Variants in ZFAT observed in about 807,000 individuals in gnomAD.
ZFAT encodes zinc finger protein ZFAT.
In ZFAT, 64 loss-of-function variants were observed where a neutral mutation model predicts 117.7. The observed-to-expected ratio is 0.54, with a 90% CI of 0.44 to 0.67. ZFAT has a LOEUF of 0.67. ZFAT is among the 30% of genes least tolerant of loss of function. The pLI, the probability that ZFAT is intolerant of heterozygous loss-of-function variation, is 0.00. For synonymous variants in ZFAT, 679 were observed against 615.0 expected (o/e 1.10, Z -1.54); for missense variants, 1,433 against 1,584.5 (o/e 0.90, Z 1.62).
intron 10 of ZFAT, among the ~76,000 whole-genome samples, chr8:134,572,336 C>T (rs1824977315): frequency 6.6e-6 from 1 of 152,184 alleles, no homozygotes; most frequent in Non-Finnish European, 1.5e-5. Context: ...ACATTGTTTT[C>T]GTGCTGTCTG....
chr8:134,501,360 G>A (rs1373712558), intron 15 of ZFAT, among the ~76,000 whole-genome samples: 2 of 152,156 alleles, frequency 1.3e-5, no homozygotes, highest in Non-Finnish European at 2.9e-5. Context: ...TACAGAGGCT[G>A]CAAGGATGGA....
intron 10 of ZFAT, among the ~76,000 whole-genome samples, chr8:134,579,830 A>C (rs1162994775): frequency 6.6e-6 from 1 of 152,058 alleles, no homozygotes; most frequent in Non-Finnish European, 1.5e-5. Flanking sequence ...ACATGCCTGT[A>C]ATCCCAGCTA....
the ZFAT span, among the ~76,000 whole-genome samples, chr8:134,740,626 C>CA: frequency 6.6e-6 from 1 of 152,022 alleles, no homozygotes; most frequent in African/African-American, 2.4e-5. Context: ...CAGGATAGGT[C>CA]AACCTAGAGA....
chr8:134,529,201 G>GA (rs1409242645), intron 12 of ZFAT, among the ~76,000 whole-genome samples: 1 of 152,142 alleles, frequency 6.6e-6, no homozygotes, highest in Non-Finnish European at 1.5e-5. Context: ...AGACTTGAGG[G>GA]AGGGCTTGGA....
At chr8:134,634,405 G>A (rs1218142235) in intron 3 of ZFAT, among the ~76,000 whole-genome samples, 1 of 152,116 alleles carries the variant, frequency 6.6e-6, no homozygotes, top group Non-Finnish European at 1.5e-5. Flanking sequence ...TTCATTACAG[G>A]TATTAAAAAC....
At chr8:134,524,158 C>T (rs191424513) in intron 12 of ZFAT, among the ~76,000 whole-genome samples, 2 of 152,318 alleles carry the variant, frequency 1.3e-5, no homozygotes, top group Non-Finnish European at 2.9e-5. Context: ...TGGACTTCTG[C>T]ACCTCCCCTC....
chr8:134,621,344 T>C (rs1409802423), intron 3 of ZFAT, among the ~76,000 whole-genome samples: 1 of 152,142 alleles, frequency 6.6e-6, no homozygotes, highest in Non-Finnish European at 1.5e-5. Flanking sequence ...AACTATACTA[T>C]TAATACTATT....
chr8:134,640,681 G>GGATGATTTT (rs1830530765), intron 2 of ZFAT, among the ~76,000 whole-genome samples: 1 of 152,186 alleles, frequency 6.6e-6, no homozygotes, highest in African/African-American at 2.4e-5. Context: ...CGGCCTGAAA[G>GGATGATTTT]CTTTGGAAAA....
At position 134,532,814 on chromosome 8, in the gene ZFAT, C is replaced by T. The variant is rs752994610; in HGVS notation, c.3115+20G>A. The T allele has an allele frequency of 3.7e-6, 6 of 1,607,598 alleles. No homozygotes were observed. Among genetic ancestry groups the T allele is most frequent in the Non-Finnish European group, 5.1e-6 (6 of 1,178,102 alleles). ...TAAAAGGAAGCGGGCAGGGCCCCAG[C>T]TCGCTGGCCCCTCGCCTACCTTGCT... On this transcript the variant is annotated intron_variant, in intron 12 of 15. Coordinates refer to ENST00000377838, the MANE Select transcript of ZFAT (RefSeq NM_020863.4).
chr8:134,551,826 A>G lies in ZFAT; in HGVS notation c.2976+13507T>C, dbSNP rs547384556. Among the ~76,000 whole-genome samples, 15 of 152,302 alleles carry G rather than the reference A, an allele frequency of 9.8e-5. No individual in the cohort carries two copies. In the East Asian group the frequency reaches 2.7e-3, roughly 27 times the overall value. ...CTCAGATGCCTCGTGTATTTTGTAC[A>G]TACAACCATTTCCCTTTCACACCGA... On this transcript the variant is annotated intron_variant, in intron 11 of 15. Transcript: ENST00000377838.
the ZFAT span, among the ~76,000 whole-genome samples, chr8:134,782,260 T>C: frequency 2.6e-5 from 4 of 152,222 alleles, no homozygotes. Flanking sequence ...CAACGTAGAG[T>C]CACAAAATTA....
At chr8:134,705,236 T>G (rs1161285252) in intron 1 of ZFAT, among the ~76,000 whole-genome samples, 1 of 152,244 alleles carries the variant, frequency 6.6e-6, no homozygotes, top group Admixed American at 6.5e-5. Context: ...ACTGTTTCAC[T>G]GATGCCCAGG....
At chr8:134,832,118 G>A in the ZFAT span, among the ~76,000 whole-genome samples, 1 of 149,878 alleles carries the variant, frequency 6.7e-6, no homozygotes, top group Admixed American at 6.6e-5. Context: ...ACGCGCCAGC[G>A]CCAGGGTGAG....
chr8:134,636,491 T>C (rs1830219217), intron 3 of ZFAT, among the ~76,000 whole-genome samples: 1 of 152,222 alleles, frequency 6.6e-6, no homozygotes, highest in Admixed American at 6.5e-5. Flanking sequence ...ACTGCTTTTA[T>C]TCCAATTTTA....
chr8:134,729,354 C>T, the ZFAT span, among the ~76,000 whole-genome samples: 14 of 152,198 alleles, frequency 9.2e-5, no homozygotes, highest in African/African-American at 2.4e-4. Flanking sequence ...GTTTTTGAGA[C>T]GGAGTCTCGC....
chr8:134,821,129 A>G, the ZFAT span, among the ~76,000 whole-genome samples: 2 of 152,222 alleles, frequency 1.3e-5, no homozygotes, highest in Non-Finnish European at 2.9e-5. Context: ...AAACTGTGCT[A>G]TTTTATACAA....
intron 2 of ZFAT, among the ~76,000 whole-genome samples, chr8:134,654,308 A>C (rs559968082): frequency 5.3e-5 from 8 of 152,340 alleles, no homozygotes; most frequent in Middle Eastern, 3.4e-3. Flanking sequence ...GTCAAAAAAA[A>C]AAATTACTCT....
At chr8:134,578,706 T>C (rs1334816780) in intron 10 of ZFAT, among the ~76,000 whole-genome samples, 1 of 152,088 alleles carries the variant, frequency 6.6e-6, no homozygotes, top group Admixed American at 6.6e-5. Flanking sequence ...AGGCAGGAGA[T>C]GACAGTGGCC....
At chr8:134,497,203 G>A (rs905920585) in intron 15 of ZFAT, among the ~76,000 whole-genome samples, 16 of 152,230 alleles carry the variant, frequency 1.1e-4, no homozygotes, top group Admixed American at 3.9e-4. Context: ...TACTGGAGAC[G>A]TTCTGAGTTA....
Sources: gnomAD v4.1 joint callset for allele counts (sites outside exome capture counted in the v4.1 genomes callset) on GRCh38, gnomAD v4.1.1 for gene constraint, MANE v1.5 for transcripts, NCBI Gene and HGNC (gene_info 2026-07-23, HGNC 2026-07-21) for gene names.